OR51B5: variants seen among roughly 807,000 people sequenced by gnomAD.
OR51B5 encodes olfactory receptor family 51 subfamily B member 5, also known as olfactory receptor 51B5.
For synonymous variants in OR51B5, 186 were observed against 144.8 expected (o/e 1.28, Z -2.04); for missense variants, 456 against 374.6 (o/e 1.22, Z -1.79).
chr11:5,460,727 G>C (rs1189776908), intron 1 of OR51B5, among the ~76,000 whole-genome samples: 1 of 152,204 alleles, frequency 6.6e-6, no homozygotes, highest in Non-Finnish European at 1.5e-5. Flanking sequence ...AATCTTTGAA[G>C]TTGCTATCCT....
intron 1 of OR51B5, among the ~76,000 whole-genome samples, chr11:5,449,011 C>T (rs1160317211): frequency 2.6e-5 from 4 of 152,182 alleles, no homozygotes; most frequent in African/African-American, 9.7e-5. Context: ...GATTGCACCT[C>T]AATTGATGGG....
intron 1 of OR51B5, among the ~76,000 whole-genome samples, chr11:5,403,940 G>C (rs1052074886): frequency 6.6e-6 from 1 of 152,068 alleles, no homozygotes; most frequent in Admixed American, 6.6e-5. Context: ...ATTGTCTTCA[G>C]TTATTGCTCT....
At chr11:5,411,190 C>G (rs1188584607) in intron 1 of OR51B5, among the ~76,000 whole-genome samples, 1 of 152,146 alleles carries the variant, frequency 6.6e-6, no homozygotes, top group African/African-American at 2.4e-5. Context: ...GGTACATGCC[C>G]TATTCAGGTG....
intron 1 of OR51B5, among the ~76,000 whole-genome samples, chr11:5,383,383 G>T (rs1849640128): frequency 6.6e-6 from 1 of 152,180 alleles, no homozygotes. Context: ...GAGTGCAGGA[G>T]TGAGAGAATC....
intron 1 of OR51B5, among the ~76,000 whole-genome samples, chr11:5,467,248 G>A (rs1851151042): frequency 6.6e-6 from 1 of 152,122 alleles, no homozygotes; most frequent in Non-Finnish European, 1.5e-5. Context: ...TGCCAAAGAT[G>A]TCATCTGTAA....
intron 1 of OR51B5, among the ~76,000 whole-genome samples, chr11:5,474,729 G>T (rs1851280018): frequency 6.6e-6 from 1 of 152,138 alleles, no homozygotes; most frequent in Non-Finnish European, 1.5e-5. Flanking sequence ...TCAATGTGTT[G>T]GTTAGTGTAA....
chr11:5,463,768 A>T (rs999815846), intron 1 of OR51B5, among the ~76,000 whole-genome samples: 8 of 152,246 alleles, frequency 5.3e-5, no homozygotes, highest in Non-Finnish European at 1.0e-4. Context: ...GGATTTAGTC[A>T]TTAGGTTTTA....
Position 5,500,053 on chromosome 11 carries a change from T to A in OR51B5, n.84+5516A>T, listed in dbSNP as rs191870157. On this transcript the variant is annotated intron_variant and non_coding_transcript_variant, in intron 1 of 4. Transcript: ENST00000415970. ...GGTATAAGAGACAGTGAGCTCACAA[T>A]CCCGGCCCTTTGACCTGCTAGACCA... Among the ~76,000 whole-genome samples the A allele has an allele frequency of 2.3e-3, 351 of 152,328 alleles. 3 individuals carry two copies. The highest frequency in any genetic ancestry group is 2.6e-3 in the Non-Finnish European group (175 of 68,028).
chr11:5,349,540 C>T (rs1220029714), intron 1 of OR51B5, among the ~76,000 whole-genome samples: 2 of 152,018 alleles, frequency 1.3e-5, no homozygotes, highest in African/African-American at 4.8e-5. Context: ...GCAGACCTCA[C>T]ATATTTTTAC....
intron 1 of OR51B5, chr11:5,454,291 T>G: frequency 6.2e-7 from 1 of 1,614,144 alleles, no homozygotes; most frequent in Non-Finnish European, 8.5e-7. Context: ...GGGAAGCATG[T>G]CCCATGCTAC....
In OR51B5 at chr11:5,415,598, C is replaced by A. The variant is rs562815207; in HGVS notation, n.85-68688G>T. On this transcript the variant is annotated intron_variant and non_coding_transcript_variant, in intron 1 of 4. Transcript: ENST00000415970. ...ATGAAAAATGATAAAGGGGATATCA[C>A]CACCGATCCCACAGAAATACAAACC... Among the ~76,000 whole-genome samples the A allele has an allele frequency of 4.7e-4, 72 of 152,238 alleles. 3 individuals carry two copies. In the South Asian group the frequency reaches 0.014, roughly 29 times the overall value.
chr11:5,434,655 G>T (rs1850569838), intron 1 of OR51B5, among the ~76,000 whole-genome samples: 1 of 152,190 alleles, frequency 6.6e-6, no homozygotes, highest in South Asian at 2.1e-4. Flanking sequence ...GAACATGCAG[G>T]ACAGTGAAAA....
At chr11:5,423,974 T>C (rs1498472) in intron 1 of OR51B5, among the ~76,000 whole-genome samples, 128,755 of 152,060 alleles carry the variant, frequency 0.85, 54,856 homozygotes, top group Non-Finnish European at 0.89. Context: ...CAGGCAGATT[T>C]CCTTGGGCAT....
chr11:5,446,104 G>T (rs1374275898), intron 1 of OR51B5, among the ~76,000 whole-genome samples: 1 of 152,080 alleles, frequency 6.6e-6, no homozygotes, highest in Non-Finnish European at 1.5e-5. Flanking sequence ...GGGGCTTGTT[G>T]TGGGGTGGGG....
chr11:5,439,276 A>G (rs1012821115), intron 1 of OR51B5, among the ~76,000 whole-genome samples: 1 of 152,106 alleles, frequency 6.6e-6, no homozygotes, highest in African/African-American at 2.4e-5. Context: ...TTGTGTATCA[A>G]ATTCTCCTCT....
At position 5,500,638 on chromosome 11, in the gene OR51B5, G is replaced by A. The variant is rs555859875; in HGVS notation, n.84+4931C>T. Among the ~76,000 whole-genome samples, 13 of 148,064 alleles carry A rather than the reference G, an allele frequency of 8.8e-5. No homozygotes were observed. In the South Asian group the frequency reaches 1.9e-3, roughly 22 times the overall value. ...TCTTTCCAGTAATAGTCCTAATTGC[G>A]GCCTTGCAAGTAGCTTTACTAAACC... On this transcript the variant is annotated intron_variant and non_coding_transcript_variant, in intron 1 of 4. Coordinates refer to the OR51B5 transcript ENST00000415970.
At chr11:5,505,588 G>A (rs1025077504) in exon 1 of OR51B5, 4 of 817,950 alleles carry the variant, frequency 4.9e-6, no homozygotes. Flanking sequence ...TAGCTGGGGA[G>A]GCCTCACAAC....
At chr11:5,369,203 G>C (rs528321322) in intron 1 of OR51B5, among the ~76,000 whole-genome samples, 5 of 142,478 alleles carry the variant, frequency 3.5e-5, no homozygotes, top group South Asian at 4.6e-4. Flanking sequence ...CATATAACCT[G>C]AGTCCCTACT....
chr11:5,379,803 C>T (rs1049917461), intron 1 of OR51B5, among the ~76,000 whole-genome samples: 2 of 152,134 alleles, frequency 1.3e-5, no homozygotes, highest in African/African-American at 2.4e-5. Flanking sequence ...CAGCTTGATA[C>T]TTTCCCATGA....
Sources: allele counts gnomAD v4.1 joint callset (sites outside exome capture counted in the v4.1 genomes callset), GRCh38; gene constraint gnomAD v4.1.1; transcripts MANE v1.5; gene names NCBI Gene and HGNC (gene_info 2026-07-23, HGNC 2026-07-21).